The following ARHGAP25 variants were observed in gnomAD, a reference collection of about 807,000 sequenced individuals.
ARHGAP25 encodes the protein Rho GTPase activating protein 25.
In ARHGAP25, 34 loss-of-function variants were observed where a neutral mutation model predicts 71.0. That is an observed-to-expected ratio of 0.48 (90% CI 0.36 to 0.64). The LOEUF (loss-of-function observed/expected upper bound fraction) is 0.64, where lower values mean the gene tolerates loss of function less well. ARHGAP25 is among the 30% of genes least tolerant of loss of function. The probability of loss-of-function intolerance (pLI) is 0.00; values close to 1 mark genes in which losing one functional copy is unlikely to be tolerated. For missense variants in ARHGAP25, 706 were observed against 805.1 expected, an observed-to-expected ratio of 0.88 and a Z score of 1.49; for synonymous variants, 282 against 296.5, an observed-to-expected ratio of 0.95 and a Z score of 0.50.
At chr2:68,824,946 G>T (rs140493109) in intron 10 of ARHGAP25, among the ~76,000 whole-genome samples, 141 of 152,268 alleles carry the variant, frequency 9.3e-4, no homozygotes, top group African/African-American at 3.2e-3. Context: ...GAGAAGGGAG[G>T]CACACTCTAC....
chr2:68,762,584 C>G (rs1014851269), intron 1 of ARHGAP25, among the ~76,000 whole-genome samples: 1 of 152,154 alleles, frequency 6.6e-6, no homozygotes, highest in African/African-American at 2.4e-5. Flanking sequence ...GAGTCACCCC[C>G]TCATGGTTCT....
upstream of ARHGAP25, among the ~76,000 whole-genome samples, chr2:68,732,680 C>G (rs1459269619): frequency 6.6e-6 from 1 of 152,204 alleles, no homozygotes; most frequent in Non-Finnish European, 1.5e-5. Flanking sequence ...TCTCCCTCCC[C>G]ACTGCTGCTG....
At chr2:68,739,595 C>T (rs546602099) in intron 1 of ARHGAP25, among the ~76,000 whole-genome samples, 44 of 152,262 alleles carry the variant, frequency 2.9e-4, no homozygotes, top group Non-Finnish European at 4.3e-4. Flanking sequence ...GCACCCCAGT[C>T]GAGTGGTCTG....
chr2:68,747,008 CA>C (rs70954322), intron 1 of ARHGAP25, among the ~76,000 whole-genome samples: 65,872 of 83,974 alleles, frequency 0.78, 25,008 homozygotes, highest in Admixed American at 0.81. Context: ...AACTCCATCT[CA>C]AAAAAAAAAA....
At chr2:68,725,988 A>C (rs1329407844) in intron 2 of ARHGAP25, among the ~76,000 whole-genome samples, 2 of 152,194 alleles carry the variant, frequency 1.3e-5, no homozygotes, top group Non-Finnish European at 2.9e-5. Context: ...CTATTTAAAA[A>C]TGCAATCTCC....
At chr2:68,819,395 C>T (rs764925329) in intron 9 of ARHGAP25, 76 bp downstream of exon 9, 5 of 1,526,446 alleles carry the variant, frequency 3.3e-6, no homozygotes, top group East Asian at 2.3e-5. Context: ...GGCCTGCTCT[C>T]GGGTGGCAAT....
intron 1 of ARHGAP25, among the ~76,000 whole-genome samples, chr2:68,743,421 G>A (rs78286038): frequency 0.023 from 3,475 of 152,250 alleles, 135 homozygotes; most frequent in African/African-American, 0.078. Context: ...ATTATTTGTA[G>A]ATATAATTGT....
intron 1 of ARHGAP25, among the ~76,000 whole-genome samples, chr2:68,762,130 C>T (rs1450730466): frequency 6.6e-6 from 1 of 152,064 alleles, no homozygotes; most frequent in African/African-American, 2.4e-5. Flanking sequence ...TAAGCTGCTT[C>T]AAAAAAGACA....
chr2:68,792,502 A>G (rs1477064752), intron 4 of ARHGAP25, among the ~76,000 whole-genome samples: 1 of 152,186 alleles, frequency 6.6e-6, no homozygotes, highest in Non-Finnish European at 1.5e-5. Flanking sequence ...AAGTCAGAAC[A>G]TGTGATATCT....
Position 68,787,878 on chromosome 2 carries a change from G to C in ARHGAP25, c.388G>C (p.Val130Leu). 6.2e-7 allele frequency: 1 copy of C among 1,614,186 alleles called. No homozygotes were observed. The highest frequency in any genetic ancestry group is 8.5e-7 in the Non-Finnish European group (1 of 1,180,038). The change falls in exon 4 of 11, where the codon GTC (valine) becomes CTC (leucine). Residue 130 changes from valine to leucine, a missense_variant. Physicochemically the swap from Val to Leu is conservative, Grantham distance 32 (BLOSUM62 1). Coordinates refer to ENST00000409202, the MANE Select transcript of ARHGAP25 (RefSeq NM_001007231.3). ...DQNRMGQDSY[V>L]LMASSQAEME... The stretch of plus-strand genomic sequence containing the variant: ...GAATCGCATGGGACAGGACTCCTAT[G>C]TCCTCATGGCCAGCTCTCAGGCGGA...
chr2:68,770,040 C>T (rs1369356535), intron 1 of ARHGAP25, among the ~76,000 whole-genome samples: 2 of 152,182 alleles, frequency 1.3e-5, no homozygotes, highest in African/African-American at 4.8e-5. Flanking sequence ...GCAATGCTGT[C>T]AGTGCTGAAT....
chr2:68,750,789 G>C (rs1243267709), intron 1 of ARHGAP25, among the ~76,000 whole-genome samples: 1 of 152,238 alleles, frequency 6.6e-6, no homozygotes, highest in Admixed American at 6.5e-5. Flanking sequence ...GCACAGAAGA[G>C]GGTGGAGGCC....
At chr2:68,737,859 A>G (rs953246288) in intron 1 of ARHGAP25, among the ~76,000 whole-genome samples, 3 of 152,156 alleles carry the variant, frequency 2.0e-5, no homozygotes, top group African/African-American at 7.2e-5. Flanking sequence ...CAGTTTCCCC[A>G]GAATCTTGTG....
chr2:68,751,795 G>A (rs923611849), intron 1 of ARHGAP25, among the ~76,000 whole-genome samples: 12 of 152,334 alleles, frequency 7.9e-5, no homozygotes, highest in African/African-American at 2.6e-4. Context: ...TTCCTGGTCT[G>A]GACCAATCCA....
intron 1 of ARHGAP25, among the ~76,000 whole-genome samples, chr2:68,753,083 G>GA (rs553757142): frequency 2.0e-5 from 3 of 151,966 alleles, no homozygotes; most frequent in South Asian, 4.2e-4. Context: ...GTGGATGGGG[G>GA]GGGTGATAAA....
chr2:68,774,871 G>GA, intron 1 of ARHGAP25: 1 of 1,277,116 alleles, frequency 7.8e-7, no homozygotes, highest in African/African-American at 1.5e-5. Context: ...CAGGAAAAAG[G>GA]AAGCACCTTT....
At chr2:68,772,986 T>C (rs1418234484) in intron 1 of ARHGAP25, among the ~76,000 whole-genome samples, 1 of 152,184 alleles carries the variant, frequency 6.6e-6, no homozygotes, top group East Asian at 1.9e-4. Flanking sequence ...CTGAATCAAA[T>C]ATGTCTTGCA....
chr2:68,791,738 T>C (rs887726981), intron 4 of ARHGAP25, among the ~76,000 whole-genome samples: 2 of 152,196 alleles, frequency 1.3e-5, no homozygotes, highest in African/African-American at 4.8e-5. Context: ...ATGCCTCTTC[T>C]GGCTTGCCGT....
At chr2:68,793,254 G>A (rs1679317749) in intron 4 of ARHGAP25, among the ~76,000 whole-genome samples, 1 of 152,104 alleles carries the variant, frequency 6.6e-6, no homozygotes, top group Non-Finnish European at 1.5e-5. Context: ...TTCTTTTGCT[G>A]TACAGAAGCT....
Sources: allele counts gnomAD v4.1 joint callset (sites outside exome capture counted in the v4.1 genomes callset), GRCh38; gene constraint gnomAD v4.1.1; transcripts MANE v1.5; gene names NCBI Gene and HGNC (gene_info 2026-07-23, HGNC 2026-07-21).